The following SLC39A11 variants were observed in gnomAD, a reference collection of about 807,000 sequenced individuals.
SLC39A11 encodes the protein solute carrier family 39 member 11.
A neutral mutation model predicts 36.1 loss-of-function variants in SLC39A11; 33 were observed. That is an observed-to-expected ratio of 0.91 (90% CI 0.69 to 1.22). The LOEUF (loss-of-function observed/expected upper bound fraction) is 1.22, where lower values mean the gene tolerates loss of function less well. Among genes scored for constraint, SLC39A11 ranks in the 50% most tolerant of loss-of-function variants. The pLI, the probability that SLC39A11 is intolerant of heterozygous loss-of-function variation, is 0.00. For missense variants in SLC39A11, 432 were observed against 430.3 expected (o/e 1.00, Z -0.03); for synonymous variants, 166 against 170.3 (o/e 0.97, Z 0.20).
chr17:72,915,174 C>T (rs2083262720), intron 5 of SLC39A11, among the ~76,000 whole-genome samples: 1 of 152,150 alleles, frequency 6.6e-6, no homozygotes, highest in African/African-American at 2.4e-5. Flanking sequence ...GGCTAGGTAA[C>T]TCCTCAAGAG....
At chr17:72,695,374 G>T (rs372622150) in intron 7 of SLC39A11, among the ~76,000 whole-genome samples, 5 of 152,232 alleles carry the variant, frequency 3.3e-5, no homozygotes, top group African/African-American at 1.2e-4. Flanking sequence ...GGAAGGAGCT[G>T]CCTGGGCTGC....
chr17:72,809,498 C>T (rs963650365), intron 6 of SLC39A11, among the ~76,000 whole-genome samples: 1 of 152,124 alleles, frequency 6.6e-6, no homozygotes, highest in Non-Finnish European at 1.5e-5. Context: ...CTTGCTTCTT[C>T]GTGGCTTCCC....
intron 7 of SLC39A11, among the ~76,000 whole-genome samples, chr17:72,684,085 C>T (rs2071630845): frequency 6.6e-6 from 1 of 152,148 alleles, no homozygotes; most frequent in African/African-American, 2.4e-5. Flanking sequence ...GGTTTTTCTG[C>T]TCTCCTTCTG....
chr17:72,766,607 G>A (rs1181685132), intron 6 of SLC39A11, among the ~76,000 whole-genome samples: 1 of 152,130 alleles, frequency 6.6e-6, no homozygotes, highest in Non-Finnish European at 1.5e-5. Flanking sequence ...TTCTGCCTGA[G>A]TAGCTAACAT....
intron 4 of SLC39A11, among the ~76,000 whole-genome samples, chr17:72,997,061 G>A (rs181870867): frequency 3.9e-5 from 6 of 152,246 alleles, no homozygotes; most frequent in Non-Finnish European, 8.8e-5. Flanking sequence ...CTGATCCACA[G>A]ATGCATGAGA....
At chr17:72,848,859 A>G (rs2079169861) in intron 6 of SLC39A11, among the ~76,000 whole-genome samples, 1 of 152,204 alleles carries the variant, frequency 6.6e-6, no homozygotes, top group Admixed American at 6.5e-5. Flanking sequence ...AACTCAATAG[A>G]CTTGACCCTC....
chr17:72,661,806 TC>T (rs1432556118), intron 7 of SLC39A11, among the ~76,000 whole-genome samples: 1 of 152,148 alleles, frequency 6.6e-6, no homozygotes, highest in Non-Finnish European at 1.5e-5. Flanking sequence ...ACCCATCCAT[TC>T]CCTTACAGTC....
chr17:73,071,038 A>G (rs1341145951), intron 3 of SLC39A11, among the ~76,000 whole-genome samples: 3 of 152,216 alleles, frequency 2.0e-5, no homozygotes, highest in African/African-American at 7.2e-5. Flanking sequence ...GGGGTAGTTA[A>G]TCCAGGGTAT....
At chr17:72,828,484 A>G (rs1380730635) in intron 6 of SLC39A11, among the ~76,000 whole-genome samples, 1 of 152,222 alleles carries the variant, frequency 6.6e-6, no homozygotes, top group Non-Finnish European at 1.5e-5. Context: ...AAATGGAGGC[A>G]CAGAGAGGGG....
intron 4 of SLC39A11, among the ~76,000 whole-genome samples, chr17:72,990,191 C>T (rs1035838002): frequency 2.0e-5 from 3 of 152,240 alleles, no homozygotes; most frequent in East Asian, 1.9e-4. Context: ...ACATTCAAAC[C>T]GATGCAGAGC....
At chr17:72,675,185 A>T (rs764790094) in intron 7 of SLC39A11, among the ~76,000 whole-genome samples, 1 of 152,072 alleles carries the variant, frequency 6.6e-6, no homozygotes, top group Non-Finnish European at 1.5e-5. Context: ...CACGATTGTG[A>T]TGGTATTAGG....
chr17:73,047,314 G>A (rs533964472), intron 3 of SLC39A11, among the ~76,000 whole-genome samples: 17 of 151,930 alleles, frequency 1.1e-4, no homozygotes, highest in East Asian at 2.0e-4. Context: ...GTGAGCCACC[G>A]CGCCCGGCAA....
intron 7 of SLC39A11, among the ~76,000 whole-genome samples, chr17:72,732,224 A>G (rs1307205625): frequency 6.6e-6 from 1 of 151,198 alleles, no homozygotes; most frequent in Non-Finnish European, 1.5e-5. Context: ...TTTGTAGGCC[A>G]AGCCGGTCTT....
chr17:72,751,025 T>A (rs1214703964), intron 6 of SLC39A11, among the ~76,000 whole-genome samples: 2 of 152,132 alleles, frequency 1.3e-5, no homozygotes, highest in Admixed American at 6.5e-5. Flanking sequence ...GGCGGGAGGA[T>A]CACCTGAGGT....
At chr17:72,966,859 A>G (rs191289201) in intron 4 of SLC39A11, among the ~76,000 whole-genome samples, 224 of 152,130 alleles carry the variant, frequency 1.5e-3, no homozygotes, top group African/African-American at 5.0e-3. Context: ...GTCAGCCACC[A>G]CGCCCGGCCG....
chr17:72,798,416 T>TTTTA, intron 6 of SLC39A11, among the ~76,000 whole-genome samples: 1 of 147,866 alleles, frequency 6.8e-6, no homozygotes, highest in Non-Finnish European at 1.5e-5. Flanking sequence ...ACTTCTTTCT[T>TTTTA]TCTTTTTTTT....
At chr17:72,743,196 G>C (rs999446999) in intron 6 of SLC39A11, among the ~76,000 whole-genome samples, 8 of 152,284 alleles carry the variant, frequency 5.3e-5, no homozygotes, top group African/African-American at 1.7e-4. Flanking sequence ...ACCCAGCTGG[G>C]GGGGCTAGAG....
chr17:72,893,115 CAAAAAGAAAAGAAAAG>C (rs1160070299), intron 5 of SLC39A11, among the ~76,000 whole-genome samples: 2 of 152,018 alleles, frequency 1.3e-5, no homozygotes, highest in Non-Finnish European at 2.9e-5. Flanking sequence ...AACTTCCCTC[CAAAAAGAAAAGAAAAG>C]AAAAAGGAAA....
intron 6 of SLC39A11, among the ~76,000 whole-genome samples, chr17:72,765,353 A>G (rs1227092954): frequency 6.6e-6 from 1 of 152,216 alleles, no homozygotes; most frequent in Non-Finnish European, 1.5e-5. Flanking sequence ...ACAAATCAGC[A>G]GCACCCATTC....
Sources: allele counts gnomAD v4.1 joint callset (sites outside exome capture counted in the v4.1 genomes callset), GRCh38; gene constraint gnomAD v4.1.1; transcripts MANE v1.5; gene names NCBI Gene and HGNC (gene_info 2026-07-23, HGNC 2026-07-21).